The following ZNF454 variants were observed in gnomAD, a reference collection of about 807,000 sequenced individuals.
ZNF454 encodes the protein zinc finger protein 454.
Under a neutral mutation model 48.2 loss-of-function variants are expected in ZNF454, and 30 were observed. That is an observed-to-expected ratio of 0.62 (90% CI 0.47 to 0.84). The LOEUF (loss-of-function observed/expected upper bound fraction) is 0.84, where lower values mean the gene tolerates loss of function less well. ZNF454 is among the 40% of genes least tolerant of loss of function. ZNF454 has a pLI of 0.00. For synonymous variants in ZNF454, 204 were observed against 211.4 expected, an observed-to-expected ratio of 0.97 and a Z score of 0.30; for missense variants, 510 against 623.1, an observed-to-expected ratio of 0.82 and a Z score of 1.93.
rs554132653 is a variant in ZNF454 at position 178,951,328 on chromosome 5, C to T, written c.250+4342C>T. The stretch of plus-strand genomic sequence containing the variant: ...TAAAGAATGATAAGGAAGAAAGGCC[C>T]GTGCCTCACCATCCAGCTTGGGTAC... On this transcript the variant is annotated intron_variant, in intron 4 of 4. Transcript: ENST00000519564. Among the ~76,000 whole-genome samples, 30 of 152,180 alleles carry T rather than the reference C, an allele frequency of 2.0e-4. No individual in the cohort carries two copies. The Middle Eastern group carries it at 0.01, about 52-fold the overall frequency.
chr5:178,986,912 G>T, the ZNF454 span: 2 of 1,614,038 alleles, frequency 1.2e-6, no homozygotes, highest in Admixed American at 1.7e-5. Flanking sequence ...TTGGTCGCCT[G>T]GTACTGGAAG....
chr5:178,949,696 A>G (rs558868757), intron 4 of ZNF454, among the ~76,000 whole-genome samples: 6 of 152,126 alleles, frequency 3.9e-5, no homozygotes, highest in African/African-American at 1.2e-4. Flanking sequence ...GGTTCACTGC[A>G]ATCTCCGCCT....
chr5:178,986,199 C>T, the ZNF454 span: 21 of 1,614,040 alleles, frequency 1.3e-5, no homozygotes, highest in African/African-American at 2.7e-5. Context: ...GGGGTGTGAC[C>T]GAGCGCTTGC....
At chr5:178,985,448 C>A in the ZNF454 span, among the ~76,000 whole-genome samples, 1,217 of 151,262 alleles carry the variant, frequency 8.0e-3, 15 homozygotes, top group South Asian at 0.012. Flanking sequence ...TCCCGCCTGT[C>A]ATCCCAGCAC....
the ZNF454 span, chr5:178,981,580 G>A: frequency 1.7e-4 from 191 of 1,139,692 alleles, 2 homozygotes; most frequent in Middle Eastern, 1.8e-3. This position sits in a 1 kb window ranked among gnomAD's most constrained non-coding sequence, Gnocchi z 5.1. Context: ...CCGTGGACCC[G>A]GGCTCTATAC....
the ZNF454 span, among the ~76,000 whole-genome samples, chr5:178,972,899 T>C: frequency 6.6e-6 from 1 of 151,898 alleles, no homozygotes; most frequent in Admixed American, 6.6e-5. Flanking sequence ...GCTGCATAAC[T>C]ATACTCCCAA....
At chr5:178,942,992 C>T (rs1759172150) in intron 2 of ZNF454, among the ~76,000 whole-genome samples, 168 bp downstream of exon 2, 1 of 152,104 alleles carries the variant, frequency 6.6e-6, no homozygotes, top group African/African-American at 2.4e-5. Context: ...TCCGGCTCAT[C>T]CTGGTGGGTG....
At chr5:178,945,328 GTGTT>G (rs1170558015) in intron 2 of ZNF454, among the ~76,000 whole-genome samples, 4 of 151,438 alleles carry the variant, frequency 2.6e-5, no homozygotes, top group African/African-American at 7.3e-5. Context: ...ATGTTTGTGT[GTGTT>G]TGTATGTGGG....
rs569224561 is a variant in ZNF454 at position 178,942,706 on chromosome 5, C to T, written c.-86C>T. 35 of 1,500,458 alleles carry T rather than the reference C, an allele frequency of 2.3e-5. No individual in the cohort carries two copies. The South Asian group carries it at 3.3e-4, about 14-fold the overall frequency. 92.9% of individuals were successfully genotyped at this position (1,500,458 alleles called of 1,614,324 possible). A position where few individuals can be genotyped will look rare whatever the true frequency, so the allele number is the denominator to read the frequency against. ...ATAGCAGGTGTGTGGACCCTTCTAGCCTGAGGAGTCCTGCAGGTGTGAAGC... is the reference window on the plus strand; with the variant it reads ...ATAGCAGGTGTGTGGACCCTTCTAGTCTGAGGAGTCCTGCAGGTGTGAAGC... On this transcript the variant is annotated 5_prime_UTR_variant, in exon 2 of 5. Transcript: ENST00000519564.
chr5:178,986,362 A>T, the ZNF454 span: 2 of 1,614,132 alleles, frequency 1.2e-6, no homozygotes, highest in Non-Finnish European at 1.7e-6. Flanking sequence ...GATGAGGAAG[A>T]TGCCGGTGAG....
At chr5:178,948,205 T>TGGTCTTTTTTTTTAGTAGTTTGCC (rs1759413409) in intron 4 of ZNF454, 1 of 151,786 alleles carries the variant, frequency 6.6e-6, no homozygotes, top group Non-Finnish European at 1.5e-5. Context: ...GTGAGCCACC[T>TGGTCTTTTTTTTTAGTAGTTTGCC]CATGTGTCTA....
intron 4 of ZNF454, among the ~76,000 whole-genome samples, chr5:178,949,351 C>CT (rs1210036119): frequency 1.1e-4 from 17 of 151,020 alleles, no homozygotes; most frequent in East Asian, 5.8e-4. Flanking sequence ...TGTGCCTGGT[C>CT]TTTTTTTTTA....
intron 4 of ZNF454, among the ~76,000 whole-genome samples, chr5:178,964,454 C>T (rs993361100): frequency 8.5e-5 from 13 of 152,146 alleles, no homozygotes; most frequent in African/African-American, 3.1e-4. Context: ...TCCAAGCTCT[C>T]CTGCCTCATA....
the ZNF454 span, chr5:178,983,353 G>C: frequency 2.4e-6 from 2 of 818,868 alleles, no homozygotes. Context: ...ACCTCTTCGT[G>C]GTGGCTCTCA....
chr5:178,950,865 T>C (rs1759527537), intron 4 of ZNF454, among the ~76,000 whole-genome samples: 1 of 151,484 alleles, frequency 6.6e-6, no homozygotes, highest in Admixed American at 6.6e-5. Flanking sequence ...TTCTTTCTTT[T>C]TTTTTTTTTT....
chr5:178,975,996 C>T, the ZNF454 span: 4 of 378,100 alleles, frequency 1.1e-5, no homozygotes, highest in East Asian at 7.6e-5. Flanking sequence ...CTCCACTCTG[C>T]TGCCTTCCTC....
chr5:178,968,023 G>A (rs1306986352), downstream of ZNF454, among the ~76,000 whole-genome samples: 1 of 151,900 alleles, frequency 6.6e-6, no homozygotes, highest in Non-Finnish European at 1.5e-5. Flanking sequence ...ACAGGCATGA[G>A]CCACCGCACC....
At chr5:178,954,842 T>G (rs1156957505) in intron 4 of ZNF454, among the ~76,000 whole-genome samples, 2 of 152,230 alleles carry the variant, frequency 1.3e-5, no homozygotes, top group Non-Finnish European at 2.9e-5. Context: ...GCTTCTTTAC[T>G]GGCATGATGT....
chr5:178,985,710 A>AC, the ZNF454 span: 5 of 417,862 alleles, frequency 1.2e-5, no homozygotes, highest in Non-Finnish European at 2.3e-5. Context: ...CTAAAAAAAA[A>AC]AAAACAAAAC....
Sources: gnomAD v4.1 joint callset for allele counts (sites outside exome capture counted in the v4.1 genomes callset) on GRCh38, gnomAD v4.1.1 for gene constraint, Gnocchi (gnomAD v3.1) non-coding constraint, MANE v1.5 for transcripts, NCBI Gene and HGNC (gene_info 2026-07-23, HGNC 2026-07-21) for gene names.